The following P3H2 variants were observed in gnomAD, a reference collection of about 807,000 sequenced individuals.
The protein encoded by P3H2 is leprecan-like 1.
P3H2 carries 80 observed loss-of-function variants against 87.0 expected under a neutral mutation model. That is an observed-to-expected ratio of 0.92 (90% CI 0.77 to 1.11). The LOEUF is 1.11. P3H2 is among the 50% of genes least tolerant of loss of function. P3H2 has a pLI of 0.00. For synonymous variants in P3H2, 367 were observed against 359.3 expected (o/e 1.02, Z -0.24); for missense variants, 1,001 against 923.9 (o/e 1.08, Z -1.08).
chr3:190,049,015 T>C (rs765998845), intron 1 of P3H2, among the ~76,000 whole-genome samples: 2 of 152,168 alleles, frequency 1.3e-5, no homozygotes, highest in Non-Finnish European at 2.9e-5. Context: ...GATTCTGCCT[T>C]CAAATCACAG....
At chr3:190,037,805 G>T (rs1270230123) in intron 1 of P3H2, among the ~76,000 whole-genome samples, 4 of 152,010 alleles carry the variant, frequency 2.6e-5, no homozygotes, top group Non-Finnish European at 1.5e-5. Flanking sequence ...TATTTGTTAA[G>T]CAAAATAATA....
chr3:190,117,716 A>G (rs913150046), intron 1 of P3H2, among the ~76,000 whole-genome samples: 1 of 149,686 alleles, frequency 6.7e-6, no homozygotes, highest in Non-Finnish European at 1.5e-5. Flanking sequence ...CAAGGAAGCC[A>G]AGCAAAGGCT....
At chr3:190,042,911 T>G (rs1281753598) in intron 1 of P3H2, among the ~76,000 whole-genome samples, 1 of 152,158 alleles carries the variant, frequency 6.6e-6, no homozygotes, top group Non-Finnish European at 1.5e-5. Context: ...AAACAAAGGC[T>G]AGTCAATTTT....
rs139815850 is a variant in P3H2 at position 190,098,921 on chromosome 3, T to C, written c.480+21331A>G. On this transcript the variant is annotated intron_variant, in intron 1 of 14. Coordinates refer to ENST00000319332, the MANE Select transcript of P3H2 (RefSeq NM_018192.4). The stretch of plus-strand genomic sequence containing the variant: ...GCATTTTCTGTCACATACCACTTAG[T>C]TGTCAAGGTTTATTTGATCTTGCTA... Among the ~76,000 whole-genome samples, 375 of 152,296 alleles carry C rather than the reference T, an allele frequency of 2.5e-3. 1 individual carries two copies. The highest frequency in any genetic ancestry group is 8.5e-3 in the African/African-American group (354 of 41,570).
chr3:190,023,333 T>C (rs557362623), intron 1 of P3H2, among the ~76,000 whole-genome samples: 1 of 152,314 alleles, frequency 6.6e-6, no homozygotes, highest in African/African-American at 2.4e-5. Flanking sequence ...CATTTTCATA[T>C]TGCTCTAAAG....
chr3:189,961,928 A>G (rs1427448992), intron 14 of P3H2, among the ~76,000 whole-genome samples: 2 of 152,232 alleles, frequency 1.3e-5, no homozygotes, highest in African/African-American at 4.8e-5. Flanking sequence ...TGAATTGAAT[A>G]CTAGAATAGT....
chr3:189,994,690 A>T, intron 2 of P3H2, among the ~76,000 whole-genome samples: 1 of 150,756 alleles, frequency 6.6e-6, no homozygotes, highest in African/African-American at 2.4e-5. Flanking sequence ...ATTTTCTAAA[A>T]TCTTTCCTTA....
At chr3:190,119,154 G>A (rs142207546) in intron 1 of P3H2, among the ~76,000 whole-genome samples, 1 of 45,786 alleles carries the variant, frequency 2.2e-5, no homozygotes, top group African/African-American at 9.8e-5. Flanking sequence ...GGGGAGGGGA[G>A]GGGAGGGGAG....
intron 1 of P3H2, among the ~76,000 whole-genome samples, chr3:190,053,422 C>G (rs1489940304): frequency 6.8e-6 from 1 of 147,598 alleles, no homozygotes; most frequent in Non-Finnish European, 1.5e-5. Flanking sequence ...CTATGACTGC[C>G]TTTTTATTTT....
intron 3 of P3H2, among the ~76,000 whole-genome samples, chr3:189,993,760 C>T (rs546828366): frequency 2.0e-5 from 3 of 151,844 alleles, no homozygotes; most frequent in Admixed American, 1.3e-4. Flanking sequence ...TACGTACTTA[C>T]GTGAGAAGAA....
chr3:190,045,783 A>AT lies in P3H2; in HGVS notation c.481-50342_481-50341insA, dbSNP rs150160957. Reference sequence around the variant, plus strand: ...GATAATTTCGTCTTTCCTGAAAAAAAAAAGAAATTCCTCCTGTAGACAGAA... The same window carrying AT: ...GATAATTTCGTCTTTCCTGAAAAAAATAAAGAAATTCCTCCTGTAGACAGAA... On this transcript the variant is annotated intron_variant, in intron 1 of 14. Transcript: ENST00000319332. Among the ~76,000 whole-genome samples the AT allele has an allele frequency of 2.6e-3, 388 of 151,512 alleles. 1 individual carries two copies. Among genetic ancestry groups the AT allele is most frequent in the South Asian group, 0.017 (81 of 4,744 alleles).
chr3:190,088,173 AAGG>A (rs1382544266), intron 1 of P3H2, among the ~76,000 whole-genome samples: 1 of 152,240 alleles, frequency 6.6e-6, no homozygotes, highest in African/African-American at 2.4e-5. Context: ...GCCATTTTTA[AAGG>A]AGTTCTTTCT....
intron 13 of P3H2, among the ~76,000 whole-genome samples, chr3:189,967,509 G>GA (rs1384755355): frequency 6.7e-6 from 1 of 149,072 alleles, no homozygotes; most frequent in Non-Finnish European, 1.5e-5. Context: ...GACTTTCTTT[G>GA]AAACTGCGAA....
chr3:190,014,795 G>A (rs1348758972), intron 1 of P3H2, among the ~76,000 whole-genome samples: 6 of 151,912 alleles, frequency 3.9e-5, no homozygotes, highest in African/African-American at 7.3e-5. Context: ...CATACTCCCC[G>A]GCTGGTGCCT....
At chr3:190,121,752 C>G (rs950077967), upstream of P3H2, 1 of 152,252 alleles carries the variant, frequency 6.6e-6, no homozygotes, top group Admixed American at 6.5e-5. Context: ...TTCCTCATCT[C>G]CTAAACAGCC....
Position 190,007,965 on chromosome 3 carries a change from C to CACACACACATATATATATATATAT in P3H2, c.481-12524_481-12523insATATATATATATATATGTGTGTGT. On this transcript the variant is annotated intron_variant, in intron 1 of 14. Transcript: ENST00000319332. Reference sequence around the variant, plus strand: ...GCCTGAGACTCTATTTGTTGACACACATATATATATATATATATATAGTAA... The same window carrying CACACACACATATATATATATATAT: ...GCCTGAGACTCTATTTGTTGACACACACACACACATATATATATATATATATATATATATATATATATATAGTAA... Among the ~76,000 whole-genome samples the CACACACACATATATATATATATAT allele has an allele frequency of 6.4e-3, 606 of 94,284 alleles. 14 individuals are homozygous for CACACACACATATATATATATATAT. The highest frequency in any genetic ancestry group is 0.036 in the East Asian group (93 of 2,602). The allele number at this position is 94,284 out of a possible 152,430, so 61.9% of individuals were successfully genotyped here. A position where few individuals can be genotyped will look rare whatever the true frequency, so the allele number is the denominator to read the frequency against.
intron 1 of P3H2, among the ~76,000 whole-genome samples, chr3:190,023,015 A>G (rs2108941771): frequency 6.7e-6 from 1 of 149,128 alleles, no homozygotes; most frequent in African/African-American, 2.6e-5. Context: ...TTTAGTAGAG[A>G]CGGTGTTTCA....
intron 1 of P3H2, among the ~76,000 whole-genome samples, chr3:190,034,833 T>G (rs1028903659): frequency 7.0e-6 from 1 of 143,010 alleles, no homozygotes; most frequent in African/African-American, 2.6e-5. Context: ...GCCAAATCGC[T>G]TTTTCTTTTC....
chr3:190,079,923 C>T (rs1726990209), intron 1 of P3H2, among the ~76,000 whole-genome samples: 1 of 152,144 alleles, frequency 6.6e-6, no homozygotes, highest in Admixed American at 6.5e-5. Context: ...ATTTGTGATA[C>T]ATCATTTAAA....
Sources: gnomAD v4.1 joint callset for allele counts (sites outside exome capture counted in the v4.1 genomes callset) on GRCh38, gnomAD v4.1.1 for gene constraint, MANE v1.5 for transcripts, NCBI Gene and HGNC (gene_info 2026-07-23, HGNC 2026-07-21) for gene names.